The following PTPRT variants were observed in gnomAD, a reference collection of about 807,000 sequenced individuals.
PTPRT encodes the protein receptor-type tyrosine-protein phosphatase T.
A neutral mutation model predicts 176.8 loss-of-function variants in PTPRT; 56 were observed. The ratio of observed to expected loss-of-function variants is 0.32; its 90% confidence interval spans 0.26 to 0.40. The LOEUF (loss-of-function observed/expected upper bound fraction) is 0.40, where lower values mean the gene tolerates loss of function less well. Among genes scored for constraint, PTPRT ranks in the 10% least tolerant of loss-of-function variants. The probability of loss-of-function intolerance (pLI) is 1.00; values close to 1 mark genes in which losing one functional copy is unlikely to be tolerated. For synonymous variants in PTPRT, 783 were observed against 739.0 expected, an observed-to-expected ratio of 1.06 and a Z score of -0.96; for missense variants, 1,540 against 1,908.2, an observed-to-expected ratio of 0.81 and a Z score of 3.60.
intron 6 of PTPRT, among the ~76,000 whole-genome samples, chr20:42,713,615 G>A (rs2146206857): frequency 6.6e-6 from 1 of 152,302 alleles, no homozygotes; most frequent in Non-Finnish European, 1.5e-5. Context: ...GATAAGTGAA[G>A]GAAGACATGT....
At position 42,778,321 on chromosome 20, in the gene PTPRT, G is replaced by A. The variant is rs117310304; in HGVS notation, c.568+1897C>T. ...CCACTCTGGCCTTGAAGGTAGTTAC[G>A]GCTAGGGTAAGAGACAGGTGTCAAG... is the stretch of plus-strand genomic sequence containing the variant. On this transcript the variant is annotated intron_variant, in intron 4 of 30. Transcript: ENST00000373187. Among the ~76,000 whole-genome samples, 1,130 of 152,264 alleles carry A rather than the reference G, an allele frequency of 7.4e-3. 23 individuals are homozygous for A. The highest frequency in any genetic ancestry group is 6.8e-3 in the Non-Finnish European group (462 of 68,012).
intron 16 of PTPRT, among the ~76,000 whole-genome samples, chr20:42,191,496 G>A (rs1182113772): frequency 1.3e-5 from 2 of 152,168 alleles, no homozygotes; most frequent in East Asian, 1.9e-4. Flanking sequence ...CATTCCGTGG[G>A]CATGGACCAA....
In PTPRT at chr20:42,653,248, C is replaced by T. The variant is rs546565987; in HGVS notation, c.1153+24618G>A. On this transcript the variant is annotated intron_variant, in intron 7 of 30. Transcript: ENST00000373187. ...CTTGCTGCCACCATGTGAAGAAGGA[C>T]ATGTTTGCTTCCCCTTCCATGCTTG... 3.3e-5 allele frequency among the ~76,000 whole-genome samples: 5 copies of T among 152,280 alleles called. No individual in the cohort carries two copies. The South Asian group carries it at 8.3e-4, about 25-fold the overall frequency.
intron 18 of PTPRT, among the ~76,000 whole-genome samples, chr20:42,136,251 T>C (rs1247300250): frequency 2.0e-5 from 3 of 149,048 alleles, no homozygotes; most frequent in African/African-American, 7.4e-5. Flanking sequence ...TTTTTTTTTT[T>C]TTTTTTCAGA....
At chr20:42,817,946 A>G (rs1423629618) in intron 2 of PTPRT, among the ~76,000 whole-genome samples, 2 of 152,204 alleles carry the variant, frequency 1.3e-5, no homozygotes, top group African/African-American at 2.4e-5. Context: ...TCTTCCTGGT[A>G]GCTCTGAGGA....
chr20:42,988,656 C>G (rs1361216276), intron 1 of PTPRT, among the ~76,000 whole-genome samples: 1 of 152,208 alleles, frequency 6.6e-6, no homozygotes, highest in Non-Finnish European at 1.5e-5. Context: ...TTAGATGCTT[C>G]TCCCAGGCAA....
At chr20:42,690,068 G>A (rs1193260416) in intron 6 of PTPRT, among the ~76,000 whole-genome samples, 1 of 152,056 alleles carries the variant, frequency 6.6e-6, no homozygotes, top group African/African-American at 2.4e-5. Flanking sequence ...GGTCTTAAAG[G>A]AAAAGGAGAG....
chr20:42,517,470 A>G (rs1385242812), intron 7 of PTPRT, among the ~76,000 whole-genome samples: 1 of 151,850 alleles, frequency 6.6e-6, no homozygotes, highest in Admixed American at 6.6e-5. Context: ...GACTTTGCCA[A>G]TCTTTCTATT....
chr20:42,435,702 A>G (rs2145816340), intron 9 of PTPRT, among the ~76,000 whole-genome samples: 1 of 152,366 alleles, frequency 6.6e-6, no homozygotes, highest in Non-Finnish European at 1.5e-5. Context: ...TAAAATGTCA[A>G]TTACCCACAT....
At chr20:43,159,124 T>A (rs1383103509) in intron 1 of PTPRT, among the ~76,000 whole-genome samples, 1 of 152,166 alleles carries the variant, frequency 6.6e-6, no homozygotes, top group Non-Finnish European at 1.5e-5. Context: ...TCAAGCCAGT[T>A]ATCGCTGTCA....
chr20:42,391,857 G>A (rs111450502), intron 9 of PTPRT, among the ~76,000 whole-genome samples: 1 of 152,096 alleles, frequency 6.6e-6, no homozygotes, highest in Non-Finnish European at 1.5e-5. Flanking sequence ...TTCAGATGCC[G>A]AGCATAAGCA....
rs1187423082 is a variant in PTPRT at position 42,315,913 on chromosome 20, A to C, written c.1949T>G (p.Val650Gly). The change falls in exon 12 of 31, where the codon GTG becomes GGG. Residue 650 changes from valine (V) to glycine (G), a missense_variant. By Grantham distance (109) the Val-to-Gly change is moderately radical. This residue lies in a region of PTPRT where 81 missense variants were observed against 89.9 expected (regional missense o/e 0.90). Coordinates refer to ENST00000373187, the MANE Select transcript of PTPRT (RefSeq NM_007050.6). ...GAGGCTGGAGGCATTCCGATAGCTC[A>C]CGGGCACCGAAAAGCACTCAATAAT... ...ADIIECFSVP[V>G]SYRNASSLDS... The C allele has an allele frequency of 6.2e-7, 1 of 1,614,176 alleles. No homozygotes were observed. Among genetic ancestry groups the C allele is most frequent in the Non-Finnish European group, 8.5e-7 (1 of 1,180,040 alleles).
At chr20:43,094,128 G>T (rs1468238060) in intron 1 of PTPRT, among the ~76,000 whole-genome samples, 2 of 136,228 alleles carry the variant, frequency 1.5e-5, no homozygotes, top group Non-Finnish European at 1.5e-5. Flanking sequence ...TTGCCCTGTC[G>T]CTAAGCAGGA....
chr20:42,492,955 A>C (rs1260648903), intron 7 of PTPRT, among the ~76,000 whole-genome samples: 1 of 152,174 alleles, frequency 6.6e-6, no homozygotes, highest in African/African-American at 2.4e-5. Flanking sequence ...TCAGATCTTC[A>C]ATGTCTCTAG....
chr20:42,052,908 G>A, the PTPRT span, among the ~76,000 whole-genome samples: 1 of 152,152 alleles, frequency 6.6e-6, no homozygotes, highest in African/African-American at 2.4e-5. Flanking sequence ...TCATAAATTA[G>A]AGCAGCAATT....
chr20:43,154,650 A>G (rs923920872), intron 1 of PTPRT, among the ~76,000 whole-genome samples: 4 of 152,218 alleles, frequency 2.6e-5, no homozygotes, highest in African/African-American at 9.6e-5. Context: ...GAAAAGCTCC[A>G]TGACATTGGT....
chr20:42,300,219 T>C (rs774340668), intron 12 of PTPRT, among the ~76,000 whole-genome samples: 116 of 147,866 alleles, frequency 7.8e-4, no homozygotes, highest in Non-Finnish European at 1.4e-3. Context: ...GATCACGCCA[T>C]TGTACTCCGG....
At chr20:42,578,244 C>A (rs930965522) in intron 7 of PTPRT, among the ~76,000 whole-genome samples, 1 of 152,072 alleles carries the variant, frequency 6.6e-6, no homozygotes, top group African/African-American at 2.4e-5. Context: ...GGGATTCACT[C>A]CTTTTGCTTC....
In PTPRT at chr20:42,195,130, A is replaced by T. The variant is rs149321937; in HGVS notation, c.2491+4110T>A. 8.0e-3 allele frequency among the ~76,000 whole-genome samples: 1,214 copies of T among 152,350 alleles called. 16 individuals carry two copies. Among genetic ancestry groups the T allele is most frequent in the African/African-American group, 0.028 (1,153 of 41,582 alleles). ...TGTAACTAACCTGCACGTTGTGCAC[A>T]TGTACCCTAAAACTTAAAGCATAAT... On this transcript the variant is annotated intron_variant, in intron 16 of 30. Coordinates refer to ENST00000373187, the MANE Select transcript of PTPRT (RefSeq NM_007050.6).
Sources: gnomAD v4.1 joint callset for allele counts (sites outside exome capture counted in the v4.1 genomes callset) on GRCh38, gnomAD v4.1.1 for gene constraint, gnomAD v4.1.1 regional missense constraint, MANE v1.5 for transcripts, NCBI Gene and HGNC (gene_info 2026-07-23, HGNC 2026-07-21) for gene names.